Variants in CNBD1 observed in about 807,000 individuals in gnomAD.
The protein encoded by CNBD1 is cyclic nucleotide binding domain containing 1, also known as cyclic nucleotide-binding domain-containing protein 1.
In CNBD1, 71 loss-of-function variants were observed where a neutral mutation model predicts 54.4. The observed-to-expected ratio is 1.30, with a 90% CI of 1.08 to 1.59. The LOEUF (loss-of-function observed/expected upper bound fraction) is 1.59. Ranked by LOEUF, CNBD1 falls within the 40% of genes most tolerant of loss-of-function variation. The probability of loss-of-function intolerance (pLI) is 0.00; values close to 1 mark genes in which losing one functional copy is unlikely to be tolerated. For missense variants in CNBD1, 659 were observed against 518.0 expected (o/e 1.27, Z -2.64); for synonymous variants, 182 against 170.7 (o/e 1.07, Z -0.51).
intron 6 of CNBD1, among the ~76,000 whole-genome samples, chr8:87,245,718 T>A (rs932550341): frequency 6.6e-6 from 1 of 152,022 alleles, no homozygotes; most frequent in Non-Finnish European, 1.5e-5. Flanking sequence ...TCGTTTTACT[T>A]TTGTTTTCTT....
At chr8:87,309,129 G>A (rs988584993) in intron 8 of CNBD1, among the ~76,000 whole-genome samples, 2 of 152,092 alleles carry the variant, frequency 1.3e-5, no homozygotes, top group Admixed American at 6.6e-5. Context: ...GCTGGATCAT[G>A]TGATAGTTCT....
At chr8:87,200,545 C>T (rs1813838913) in intron 4 of CNBD1, among the ~76,000 whole-genome samples, 1 of 151,882 alleles carries the variant, frequency 6.6e-6, no homozygotes. Flanking sequence ...AAAGAGAAGA[C>T]TCAAATGACT....
chr8:87,362,991 C>T (rs997945902), intron 10 of CNBD1, among the ~76,000 whole-genome samples: 4 of 151,962 alleles, frequency 2.6e-5, no homozygotes, highest in African/African-American at 9.7e-5. Context: ...TCTCCTAATG[C>T]TATCCCTCCT....
At chr8:87,286,801 C>T (rs1166653375) in intron 8 of CNBD1, 130 bp downstream of exon 8, 8 of 687,020 alleles carry the variant, frequency 1.2e-5, no homozygotes, top group African/African-American at 1.8e-5. Flanking sequence ...TTGATAATAA[C>T]ATTTGAATTG....
At chr8:86,889,455 A>G (rs1240385041) in intron 2 of CNBD1, among the ~76,000 whole-genome samples, 1 of 152,188 alleles carries the variant, frequency 6.6e-6, no homozygotes, top group Non-Finnish European at 1.5e-5. Flanking sequence ...TTTATGTATT[A>G]TAGATGAAAA....
At chr8:87,242,862 G>A (rs189936773) in intron 6 of CNBD1, among the ~76,000 whole-genome samples, 5 of 152,032 alleles carry the variant, frequency 3.3e-5, no homozygotes, top group Admixed American at 2.6e-4. Context: ...TTCTTAATGG[G>A]AATAAATCCC....
intron 1 of CNBD1, among the ~76,000 whole-genome samples, chr8:86,868,567 G>T (rs546101342): frequency 1.9e-5 from 2 of 103,596 alleles, no homozygotes; most frequent in South Asian, 6.6e-4. Context: ...TCCTCACCTC[G>T]TGATCTGCCC....
intron 2 of CNBD1, among the ~76,000 whole-genome samples, chr8:86,889,505 G>A (rs1808733370): frequency 6.6e-6 from 1 of 152,034 alleles, no homozygotes; most frequent in South Asian, 2.1e-4. Context: ...AATAAAAATA[G>A]AAAGGCTGAG....
intron 2 of CNBD1, among the ~76,000 whole-genome samples, chr8:87,423,885 G>A (rs924621344): frequency 6.6e-6 from 1 of 152,186 alleles, no homozygotes; most frequent in African/African-American, 2.4e-5. Context: ...GGTAGAATTT[G>A]GCTGTGAAGC....
At chr8:87,337,646 G>A (rs1286246197) in intron 8 of CNBD1, among the ~76,000 whole-genome samples, 10 of 152,182 alleles carry the variant, frequency 6.6e-5, no homozygotes, top group Admixed American at 2.6e-4. Flanking sequence ...GCACACTTTT[G>A]TGGAAAAACC....
intron 4 of CNBD1, among the ~76,000 whole-genome samples, chr8:87,026,263 C>G (rs1340570136): frequency 6.6e-6 from 1 of 151,970 alleles, no homozygotes; most frequent in African/African-American, 2.4e-5. Flanking sequence ...ATGGTTGTGA[C>G]TGAAGAGTTT....
intron 6 of CNBD1, among the ~76,000 whole-genome samples, chr8:87,247,955 G>A (rs960426843): frequency 6.6e-6 from 1 of 152,144 alleles, no homozygotes; most frequent in Admixed American, 6.5e-5. Context: ...TGACCTGAGT[G>A]GTGAAACCAG....
At chr8:87,258,434 T>G in intron 6 of CNBD1, among the ~76,000 whole-genome samples, 1 of 79,470 alleles carries the variant, frequency 1.3e-5, no homozygotes, top group East Asian at 2.7e-4. Context: ...TTTCTTTTTT[T>G]TCTTTTTAAG....
chr8:87,017,899 A>G (rs1287386294), intron 4 of CNBD1, among the ~76,000 whole-genome samples: 1 of 152,350 alleles, frequency 6.6e-6, no homozygotes. Flanking sequence ...TTTTATAAAG[A>G]CTGAAACTAA....
chr8:87,184,606 C>A (rs1813434477), intron 4 of CNBD1, among the ~76,000 whole-genome samples: 1 of 152,146 alleles, frequency 6.6e-6, no homozygotes, highest in African/African-American at 2.4e-5. Flanking sequence ...TCCTGGAGGT[C>A]TATGGCTAGA....
intron 1 of CNBD1, among the ~76,000 whole-genome samples, chr8:86,867,405 A>G (rs186284886): frequency 6.6e-6 from 1 of 152,308 alleles, no homozygotes; most frequent in Admixed American, 6.5e-5. Context: ...TGATTTGAAG[A>G]AGCTAAGCCA....
At chr8:87,374,405 C>T (rs769512766) in intron 10 of CNBD1, among the ~76,000 whole-genome samples, 10 of 151,612 alleles carry the variant, frequency 6.6e-5, no homozygotes, top group Non-Finnish European at 1.2e-4. Context: ...TAAAAAATAC[C>T]ACATTTAAGA....
At chr8:87,064,546 G>A (rs1336260643) in intron 4 of CNBD1, among the ~76,000 whole-genome samples, 2 of 151,726 alleles carry the variant, frequency 1.3e-5, no homozygotes, top group Non-Finnish European at 2.9e-5. Context: ...TTTAAAGGAT[G>A]TTATTGTTTT....
chr8:87,393,567 G>T, intron 2 of CNBD1, among the ~76,000 whole-genome samples: 1 of 151,762 alleles, frequency 6.6e-6, no homozygotes, highest in East Asian at 1.9e-4. Context: ...AAGACATTAT[G>T]GTTTGGACAC....
Sources: allele counts gnomAD v4.1 joint callset (sites outside exome capture counted in the v4.1 genomes callset), GRCh38; gene constraint gnomAD v4.1.1; transcripts MANE v1.5; gene names NCBI Gene and HGNC (gene_info 2026-07-23, HGNC 2026-07-21).